The following KYNU variants were observed in gnomAD, a reference collection of about 807,000 sequenced individuals.
The protein encoded by KYNU is L-kynurenine hydrolase.
A neutral mutation model predicts 59.2 loss-of-function variants in KYNU; 54 were observed. That is an observed-to-expected ratio of 0.91 (90% CI 0.73 to 1.14). The LOEUF is 1.14. Among genes scored for constraint, KYNU ranks in the 50% most tolerant of loss-of-function variants. KYNU has a pLI of 0.00. For missense variants in KYNU, 567 were observed against 554.4 expected, an observed-to-expected ratio of 1.02 and a Z score of -0.23; for synonymous variants, 177 against 192.0, an observed-to-expected ratio of 0.92 and a Z score of 0.65.
rs1687147789 is a variant in KYNU, at chr2:143,045,217, C to A, written c.*3045C>A. On this transcript the variant is annotated 3_prime_UTR_variant, in exon 14 of 14. Coordinates refer to ENST00000264170, the MANE Select transcript of KYNU (RefSeq NM_003937.3). ...ATGTCTGTTTTTGTTCAGTACCATG[C>A]TGTTTTGTTTACTATAGCCTTGTAG... 1 of 152,052 alleles carries A rather than the reference C, an allele frequency of 6.6e-6. No homozygotes were observed. The allele number at this position is 152,052 out of a possible 1,614,324, so 9.4% of individuals were successfully genotyped here. A position where few individuals can be genotyped will look rare whatever the true frequency, so the allele number is the denominator to read the frequency against.
At chr2:143,033,462 C>G (rs1433688309) in intron 12 of KYNU, 141 bp downstream of exon 12, 2 of 767,892 alleles carry the variant, frequency 2.6e-6, no homozygotes, top group African/African-American at 1.7e-5. Context: ...GGCAGCATTC[C>G]CCTTTAGGAC....
At chr2:142,889,042 A>G (rs781112453) in intron 2 of KYNU, among the ~76,000 whole-genome samples, 1 of 151,782 alleles carries the variant, frequency 6.6e-6, no homozygotes, top group African/African-American at 2.4e-5. Context: ...CATGGAGCAC[A>G]GGTGAAGCTG....
At chr2:142,948,866 T>A (rs1683887742) in intron 4 of KYNU, among the ~76,000 whole-genome samples, 1 of 152,190 alleles carries the variant, frequency 6.6e-6, no homozygotes, top group African/African-American at 2.4e-5. Flanking sequence ...AACTCAAAAG[T>A]CCACAGTCCA....
intron 3 of KYNU, among the ~76,000 whole-genome samples, chr2:142,919,897 CCTCGT>C (rs1169779060): frequency 6.6e-6 from 1 of 152,128 alleles, no homozygotes; most frequent in Non-Finnish European, 1.5e-5. Context: ...CATGGTGAAA[CCTCGT>C]CTCTACTAAA....
At chr2:142,967,846 A>G (rs1165161612) in intron 8 of KYNU, among the ~76,000 whole-genome samples, 2 of 152,298 alleles carry the variant, frequency 1.3e-5, no homozygotes, top group East Asian at 1.9e-4. Context: ...TCTCTATTAC[A>G]GTAGAATGAT....
intron 3 of KYNU, among the ~76,000 whole-genome samples, chr2:142,920,311 C>T (rs1226505394): frequency 1.3e-5 from 2 of 152,140 alleles, no homozygotes; most frequent in Non-Finnish European, 2.9e-5. Flanking sequence ...GAATGGGGGT[C>T]ATAGTTAATA....
In KYNU at chr2:142,956,270, A is replaced by G; in HGVS notation, c.503A>G (p.Asp168Gly). 3.1e-6 allele frequency: 5 copies of G among 1,588,458 alleles called. No homozygotes were observed. Among genetic ancestry groups the G allele is most frequent in the Non-Finnish European group, 4.3e-6 (5 of 1,157,332 alleles). The change falls in exon 6 of 14, where the codon GAT becomes GGT. Residue 168 changes from aspartate to glycine, a missense_variant. Physicochemically the swap from Asp to Gly is moderately conservative, Grantham distance 94 (BLOSUM62 -1). Coordinates refer to ENST00000264170, the MANE Select transcript of KYNU (RefSeq NM_003937.3). ...CTAGAAGCCAAAGCCTTCCCTTCTG[A>G]TCATGTAAGGACTTCTTCAAATTGT... ...ILLEAKAFPS[D>G]HYAIESQLQL...
At chr2:143,024,396 A>G (rs935752964) in intron 10 of KYNU, among the ~76,000 whole-genome samples, 1 of 152,012 alleles carries the variant, frequency 6.6e-6, no homozygotes, top group Non-Finnish European at 1.5e-5. Context: ...TTCACCAGTC[A>G]TCTCTTGGCT....
rs1329522653 is a variant in KYNU, at chr2:143,053,597, GGTGA to G, written c.*11428_*11431del. The G allele has an allele frequency of 2.6e-5, 4 of 152,294 alleles. No homozygotes were observed. The highest frequency in any genetic ancestry group is 7.2e-5 in the African/African-American group (3 of 41,530). The allele number at this position is 152,294 out of a possible 1,614,324, so 9.4% of individuals were successfully genotyped here. Reference sequence around the variant, plus strand: ...GTCTTTTCTGTGCTGTTCTCATGATGGTGAGTAAGTCTCATGAGATCTGATGGTT... The same window carrying G: ...GTCTTTTCTGTGCTGTTCTCATGATGGTAAGTCTCATGAGATCTGATGGTT... On this transcript the variant is annotated 3_prime_UTR_variant, in exon 14 of 14. Transcript: ENST00000264170.
intron 8 of KYNU, among the ~76,000 whole-genome samples, chr2:142,977,855 G>T (rs985771662): frequency 1.3e-5 from 2 of 152,220 alleles, no homozygotes; most frequent in East Asian, 1.9e-4. Context: ...TTTGAAGGCC[G>T]TGGCAAATTT....
At chr2:142,928,336 A>C (rs1035059998) in intron 4 of KYNU, among the ~76,000 whole-genome samples, 2 of 152,228 alleles carry the variant, frequency 1.3e-5, no homozygotes, top group Non-Finnish European at 2.9e-5. Context: ...TAATTGGCTT[A>C]AATATTCAGC....
chr2:142,910,131 C>CA (rs1682429895), intron 2 of KYNU, among the ~76,000 whole-genome samples: 1 of 105,472 alleles, frequency 9.5e-6, no homozygotes, highest in South Asian at 3.6e-4. Context: ...TGTTCTTTGC[C>CA]TTTTTTTTTT....
chr2:142,987,105 A>G lies in KYNU; in HGVS notation c.902+1084A>G, dbSNP rs114211757. On this transcript the variant is annotated intron_variant, in intron 10 of 13. Transcript: ENST00000264170. ...TTATCAGTACATTAGATTTCCCTCC[A>G]TGTATGTCCCAACATCTCTGAGAAG... 7.4e-3 allele frequency among the ~76,000 whole-genome samples: 1,123 copies of G among 151,978 alleles called. 8 individuals carry two copies. Among genetic ancestry groups the G allele is most frequent in the African/African-American group, 0.026 (1,079 of 41,494 alleles).
intron 8 of KYNU, among the ~76,000 whole-genome samples, chr2:142,968,456 G>A (rs1282220481): frequency 2.0e-5 from 3 of 152,132 alleles, no homozygotes; most frequent in African/African-American, 7.2e-5. Context: ...ATTTAGCTTT[G>A]CCCTGAAGAC....
At chr2:142,941,056 AC>A (rs1256045233) in intron 4 of KYNU, among the ~76,000 whole-genome samples, 3 of 152,140 alleles carry the variant, frequency 2.0e-5, no homozygotes, top group Non-Finnish European at 2.9e-5. Flanking sequence ...TCTGAGTCTT[AC>A]TGTTTTTATA....
At chr2:143,033,031 G>T (rs2104917921) in intron 11 of KYNU, among the ~76,000 whole-genome samples, 1 of 152,288 alleles carries the variant, frequency 6.6e-6, no homozygotes, top group Middle Eastern at 3.4e-3. Context: ...CTGCTAAGAA[G>T]TTGGGGACAA....
intron 5 of KYNU, among the ~76,000 whole-genome samples, chr2:142,955,257 A>G (rs1684124286): frequency 6.6e-6 from 1 of 152,210 alleles, no homozygotes; most frequent in Admixed American, 6.5e-5. Context: ...ACTTTTGTAT[A>G]TTAATATAGG....
At chr2:142,889,631 C>A (rs1681636969) in intron 2 of KYNU, among the ~76,000 whole-genome samples, 1 of 152,082 alleles carries the variant, frequency 6.6e-6, no homozygotes. Context: ...ATGTTCTGAC[C>A]CCCAACGGTG....
intron 10 of KYNU, among the ~76,000 whole-genome samples, chr2:143,022,129 C>T (rs1045581040): frequency 8.6e-5 from 13 of 151,982 alleles, no homozygotes; most frequent in Admixed American, 1.3e-4. Flanking sequence ...TTGGTATTAA[C>T]GAAAATTACT....
Sources: allele counts gnomAD v4.1 joint callset (sites outside exome capture counted in the v4.1 genomes callset), GRCh38; gene constraint gnomAD v4.1.1; transcripts MANE v1.5; gene names NCBI Gene and HGNC (gene_info 2026-07-23, HGNC 2026-07-21).